Variants in MTR observed in about 807,000 individuals in gnomAD.
MTR encodes the protein 5-methyltetrahydrofolate-homocysteine methyltransferase, also known as methionine synthase.
In MTR, 84 loss-of-function variants were observed where a neutral mutation model predicts 154.8. That is an observed-to-expected ratio of 0.54 (90% CI 0.45 to 0.65). The LOEUF (loss-of-function observed/expected upper bound fraction) is 0.65. MTR is among the 30% of genes least tolerant of loss of function. The pLI is 0.00. For missense variants in MTR, 1,275 were observed against 1,570.2 expected, an observed-to-expected ratio of 0.81 and a Z score of 3.18; for synonymous variants, 554 against 553.9, an observed-to-expected ratio of 1.00 and a Z score of 0.00.
At chr1:236,816,679 G>T (rs1661612618) in intron 8 of MTR, 136 bp downstream of exon 8, 1 of 786,876 alleles carries the variant, frequency 1.3e-6, no homozygotes, top group African/African-American at 1.7e-5. Context: ...TTTCCTTTAA[G>T]TACTTTCAGA....
Position 236,838,481 on chromosome 1 carries a change from A to C in MTR, c.1397A>C (p.Lys466Thr). 4 of 1,614,138 alleles carry C rather than the reference A, an allele frequency of 2.5e-6. No homozygotes were observed. Among genetic ancestry groups the C allele is most frequent in the Non-Finnish European group, 3.4e-6 (4 of 1,180,008 alleles). ...GCTGGGTTAAAGTGCTGCCAAGGGA[A>C]GTGCATTGTCAATAGCATTAGTCTG... ...IEAGLKCCQG[K>T]CIVNSISLKE... The change falls in exon 15 of 33, where the codon AAG becomes ACG. Residue 466 changes from lysine (K) to threonine (T), a missense_variant. Physicochemically the swap from Lys to Thr is moderately conservative, Grantham distance 78. Coordinates refer to ENST00000366577, the MANE Select transcript of MTR (RefSeq NM_000254.3).
Position 236,897,308 on chromosome 1 carries a change from A to ATGCGCGCGCGCGCGCGCG in MTR, c.3711+190_3711+191insTGCGCGCGCGCGCGCGCG, listed in dbSNP as rs57608445. Among the ~76,000 whole-genome samples the ATGCGCGCGCGCGCGCGCG allele has an allele frequency of 4.0e-4, 53 of 131,522 alleles. 1 individual carries two copies. The highest frequency in any genetic ancestry group is 5.8e-4 in the Admixed American group (8 of 13,794). 86.3% of individuals were successfully genotyped at this position (131,522 alleles called of 152,430 possible). Reference sequence around the variant, plus strand: ...TCACTTCTACATGCAAGCCACACACACGCACACACACACACACACACACAC... The same window carrying ATGCGCGCGCGCGCGCGCG: ...TCACTTCTACATGCAAGCCACACACATGCGCGCGCGCGCGCGCGCGCACACACACACACACACACACAC... On this transcript the variant is annotated intron_variant, in intron 32 of 32. Coordinates refer to ENST00000366577, the MANE Select transcript of MTR (RefSeq NM_000254.3).
intron 8 of MTR, among the ~76,000 whole-genome samples, chr1:236,822,287 T>C (rs1211074221): frequency 6.6e-6 from 1 of 151,362 alleles, no homozygotes; most frequent in Non-Finnish European, 1.5e-5. Flanking sequence ...GGTGCTAGTG[T>C]AAATGGTTTT....
intron 15 of MTR, 116 bp downstream of exon 15, chr1:236,838,715 C>T (rs919878273): frequency 4.7e-6 from 5 of 1,053,590 alleles, no homozygotes; most frequent in Non-Finnish European, 7.1e-6. Flanking sequence ...TATCTCTTTC[C>T]ATATACATTC....
At chr1:236,886,518 A>G (rs1273671890) in intron 27 of MTR, 151 bp downstream of exon 27, 1 of 743,256 alleles carries the variant, frequency 1.3e-6, no homozygotes, top group Non-Finnish European at 2.3e-6. Flanking sequence ...GACTGGAAAG[A>G]AAGGGAATAG....
intron 12 of MTR, among the ~76,000 whole-genome samples, chr1:236,831,044 A>G (rs2103125669): frequency 6.6e-6 from 1 of 152,362 alleles, no homozygotes; most frequent in African/African-American, 2.4e-5. Context: ...CAATAACAGT[A>G]TAAAGCAGAC....
At chr1:236,824,066 C>A in intron 8 of MTR, 53 bp from the exon 9 acceptor site, 1 of 1,394,368 alleles carries the variant, frequency 7.2e-7, no homozygotes, top group Non-Finnish European at 1.0e-6. Context: ...AACTTATATG[C>A]ATAAATATGA....
chr1:236,850,529 T>C lies in MTR; in HGVS notation c.1695+6T>C. 2 of 1,613,070 alleles carry C rather than the reference T, an allele frequency of 1.2e-6. No individual in the cohort carries two copies. The highest frequency in any genetic ancestry group is 1.7e-6 in the Non-Finnish European group (2 of 1,179,248). Reference sequence around the variant, plus strand: ...ATGCAACAAAAGTCATTAAAGTAAGTGTAGGCATGTTCTCTCCCAAGTCAT... The same window carrying C: ...ATGCAACAAAAGTCATTAAAGTAAGCGTAGGCATGTTCTCTCCCAAGTCAT... On this transcript the variant is annotated splice_donor_region_variant and intron_variant, in intron 16 of 32. Coordinates refer to ENST00000366577, the MANE Select transcript of MTR (RefSeq NM_000254.3).
chr1:236,796,250 T>C (rs897251527), intron 1 of MTR, among the ~76,000 whole-genome samples: 2 of 152,186 alleles, frequency 1.3e-5, no homozygotes, highest in Non-Finnish European at 2.9e-5. Flanking sequence ...ATAGACTCAC[T>C]ATGTTAAAAT....
intron 17 of MTR, 73 bp from the exon 18 acceptor site, chr1:236,852,875 A>G: frequency 1.3e-6 from 2 of 1,556,522 alleles, no homozygotes; most frequent in East Asian, 2.2e-5. Flanking sequence ...CTGGCCCTTT[A>G]CAGAGAAAAG....
At chr1:236,852,901 C>CTCT in intron 17 of MTR, 47 bp from the exon 18 acceptor site, 1 of 1,609,470 alleles carries the variant, frequency 6.2e-7, no homozygotes, top group Non-Finnish European at 8.5e-7. Flanking sequence ...TGATCGCTGA[C>CTCT]TTAAGGTATC....
intron 27 of MTR, among the ~76,000 whole-genome samples, chr1:236,888,776 C>T (rs776668547): frequency 1.3e-5 from 2 of 152,176 alleles, no homozygotes; most frequent in Non-Finnish European, 2.9e-5. Context: ...TGATTGTTTC[C>T]GGTTTTGAAA....
chr1:236,903,119 C>T lies in MTR; in HGVS notation c.*5475C>T, dbSNP rs1444354212. The T allele has an allele frequency of 6.6e-6, 1 of 152,180 alleles. No homozygotes were observed. The highest frequency in any genetic ancestry group is 1.9e-4 in the East Asian group (1 of 5,166). 9.4% of individuals were successfully genotyped at this position (152,180 alleles called of 1,614,324 possible). ...GCTGCACTCCAGCCTGTGCTGAGAC[C>T]TCATCTCTTAAAAAATAAAAAATAA... On this transcript the variant is annotated 3_prime_UTR_variant, in exon 33 of 33. Transcript: ENST00000366577.
intron 22 of MTR, among the ~76,000 whole-genome samples, chr1:236,869,122 G>C (rs2103343550): frequency 6.6e-6 from 1 of 152,312 alleles, no homozygotes; most frequent in East Asian, 1.9e-4. Flanking sequence ...GAGAAATAAA[G>C]GGTAAAATGA....
intron 31 of MTR, among the ~76,000 whole-genome samples, 180 bp downstream of exon 31, chr1:236,895,730 T>A (rs1292893953): frequency 6.6e-6 from 1 of 152,286 alleles, no homozygotes; most frequent in African/African-American, 2.4e-5. Context: ...TACTGATTAG[T>A]ATTCTTACAT....
intron 21 of MTR, among the ~76,000 whole-genome samples, chr1:236,862,999 G>A (rs911930135): frequency 6.6e-6 from 1 of 152,166 alleles, no homozygotes; most frequent in Non-Finnish European, 1.5e-5. Context: ...GATGCTAACT[G>A]TGCATAGAAC....
At chr1:236,884,300 A>G (rs901970909) in intron 25 of MTR, among the ~76,000 whole-genome samples, 4 of 152,222 alleles carry the variant, frequency 2.6e-5, no homozygotes, top group African/African-American at 9.6e-5. Context: ...GGAAGTGGAT[A>G]TATAAATTGG....
chr1:236,798,300 A>G (rs1309408677), intron 1 of MTR, among the ~76,000 whole-genome samples: 1 of 152,212 alleles, frequency 6.6e-6, no homozygotes, highest in Non-Finnish European at 1.5e-5. Flanking sequence ...TTACATGCAC[A>G]TATTAGGAAT....
chr1:236,852,639 T>A lies in MTR; in HGVS notation c.1812+2T>A. On this transcript the variant is annotated splice_donor_variant, in intron 17 of 32. Transcript: ENST00000366577. LOFTEE classifies it high-confidence loss of function. The stretch of plus-strand genomic sequence containing the variant: ...GTTTTCCTTTACCATGCAATCAAGG[T>A]ATGGTAGAAGAACTCTTAGCCCTGC... 6.2e-7 allele frequency: 1 copy of A among 1,610,036 alleles called. No individual in the cohort carries two copies. The highest frequency in any genetic ancestry group is 2.2e-5 in the East Asian group (1 of 44,860).
Sources: allele counts gnomAD v4.1 joint callset (sites outside exome capture counted in the v4.1 genomes callset), GRCh38; gene constraint gnomAD v4.1.1; transcripts MANE v1.5; gene names NCBI Gene and HGNC (gene_info 2026-07-23, HGNC 2026-07-21).